The following TCF3 variants were observed in gnomAD, a reference collection of about 807,000 sequenced individuals.
TCF3 encodes the protein transcription factor E2-alpha.
TCF3 carries 54 observed loss-of-function variants against 72.3 expected under a neutral mutation model. The observed-to-expected ratio is 0.75, with a 90% CI of 0.60 to 0.94. TCF3 has a LOEUF of 0.94. Among genes scored for constraint, TCF3 ranks in the 40% least tolerant of loss-of-function variants. TCF3 has a pLI of 0.00. For synonymous variants in TCF3, 525 were observed against 412.6 expected (o/e 1.27, Z -3.30); for missense variants, 1,078 against 934.4 (o/e 1.15, Z -2.00).
chr19:1,615,528 G>T lies in TCF3; in HGVS notation c.1587-8C>A. ...TCCTCGTCCTCGTCTGGGCTATGGG[G>T]AGGGCGCCGGGAGGGGGCCAGAGGG... On this transcript the variant is annotated splice_region_variant and splice_polypyrimidine_tract_variant and intron_variant, in intron 17 of 18. Coordinates refer to ENST00000262965, the MANE Select transcript of TCF3 (RefSeq NM_003200.5). This position sits in a 1 kb window ranked among gnomAD's most constrained non-coding sequence, Gnocchi z 7.3. 1 of 1,606,452 alleles carries T rather than the reference G, an allele frequency of 6.2e-7. No homozygotes were observed. The highest frequency in any genetic ancestry group is 8.5e-7 in the Non-Finnish European group (1 of 1,179,814).
chr19:1,646,035 C>T (rs887268464), intron 3 of TCF3, among the ~76,000 whole-genome samples: 2 of 152,150 alleles, frequency 1.3e-5, no homozygotes, highest in Non-Finnish European at 1.5e-5. Flanking sequence ...AACGGATGCT[C>T]GAGATCCCCA....
At chr19:1,649,688 GC>G (rs1396958123) in intron 2 of TCF3, among the ~76,000 whole-genome samples, 2 of 152,202 alleles carry the variant, frequency 1.3e-5, no homozygotes, top group Admixed American at 6.5e-5. Flanking sequence ...CTCCCAAAGT[GC>G]TGGAATGACA....
rs184574721 is a variant in TCF3, at chr19:1,621,766, C to T, written c.955+72G>A. ...CCTGCGCCTCCCGTGGAGTCCTCGC[C>T]ACCCCCCACCCAGACCCTGCCTGGA... On this transcript the variant is annotated intron_variant, in intron 11 of 18. Transcript: ENST00000262965. 169 of 1,466,826 alleles carry T rather than the reference C, an allele frequency of 1.2e-4. No homozygotes were observed. In the African/African-American group the frequency reaches 2.3e-3, roughly 20 times the overall value. The allele number at this position is 1,466,826 out of a possible 1,614,324, so 90.9% of individuals were successfully genotyped here. A position where few individuals can be genotyped will look rare whatever the true frequency, so the allele number is the denominator to read the frequency against.
At chr19:1,647,244 C>T (rs1382210372) in intron 2 of TCF3, among the ~76,000 whole-genome samples, 2 of 152,158 alleles carry the variant, frequency 1.3e-5, no homozygotes, top group Admixed American at 6.5e-5. Flanking sequence ...AAGCCAACGG[C>T]AACAAACCCT....
intron 3 of TCF3, among the ~76,000 whole-genome samples, chr19:1,634,598 C>G (rs1319970254): frequency 6.6e-6 from 1 of 152,254 alleles, no homozygotes; most frequent in Non-Finnish European, 1.5e-5. Flanking sequence ...CCAAGGAATG[C>G]TCCAGGCTGG....
At chr19:1,620,842 T>TCCCA (rs1344084323) in intron 13 of TCF3, 126 bp downstream of exon 13, 2 of 996,900 alleles carry the variant, frequency 2.0e-6, no homozygotes, top group East Asian at 6.4e-5. Flanking sequence ...TGCCTGCCTA[T>TCCCA]CCCAGCAAGG....
chr19:1,632,953 A>G, intron 3 of TCF3, among the ~76,000 whole-genome samples: 1 of 152,190 alleles, frequency 6.6e-6, no homozygotes, highest in East Asian at 1.9e-4. Context: ...AGGCTCACCC[A>G]TCGGGCAGGA....
chr19:1,631,993 C>T, intron 5 of TCF3, 45 bp downstream of exon 5: 7 of 1,598,976 alleles, frequency 4.4e-6, no homozygotes, highest in Non-Finnish European at 6.0e-6. Context: ...CCCACGTCTG[C>T]ACATCTGTGC....
At chr19:1,637,631 C>T (rs1283183392) in intron 3 of TCF3, among the ~76,000 whole-genome samples, 10 of 152,178 alleles carry the variant, frequency 6.6e-5, no homozygotes, top group African/African-American at 1.2e-4. Context: ...AACCCGGGGC[C>T]GGGCACGGTG....
chr19:1,615,544 G>T lies in TCF3; in HGVS notation c.1587-24C>A. 6.2e-7 allele frequency: 1 copy of T among 1,605,162 alleles called. No individual in the cohort carries two copies. On this transcript the variant is annotated intron_variant, in intron 17 of 18. Transcript: ENST00000262965. This position sits in a 1 kb window ranked among gnomAD's most constrained non-coding sequence, Gnocchi z 7.3. The stretch of plus-strand genomic sequence containing the variant: ...GGCTATGGGGAGGGCGCCGGGAGGG[G>T]GCCAGAGGGAGACAGTGAGGTTGGG...
Position 1,614,910 on chromosome 19 carries a change from C to T in TCF3, c.1822+375G>A, listed in dbSNP as rs1183380289. ...GCACACCAGCTCCTGTCTCTGGGAT[C>T]GGGGGACACTGGCCTCTGTGAGCTG... is the stretch of plus-strand genomic sequence containing the variant. On this transcript the variant is annotated intron_variant, in intron 18 of 18. Transcript: ENST00000262965. The surrounding 1 kb of genome is among the most constrained non-coding windows in gnomAD (Gnocchi z 5.6). Among the ~76,000 whole-genome samples, 4 of 152,074 alleles carry T rather than the reference C, an allele frequency of 2.6e-5. No individual in the cohort carries two copies. The highest frequency in any genetic ancestry group is 6.5e-5 in the Admixed American group (1 of 15,278).
chr19:1,619,386 A>G lies in TCF3; in HGVS notation c.1256T>C (p.Leu419Pro). The change falls in exon 15 of 19, where the codon CTG (leucine) becomes CCG (proline). Residue 419 changes from leucine to proline, a missense_variant. Physicochemically the swap from Leu to Pro is moderately conservative, Grantham distance 98. Transcript: ENST00000262965. The part of the protein sequence containing the change: ...VGTAGDMHTL[L>P]PGHGALASGF... ...TGAGGCCAGCGCCCCGTGGCCAGGCAGCAGCGTGTGCATGTCGCCGGCTGT... is the reference window on the plus strand; with the variant it reads ...TGAGGCCAGCGCCCCGTGGCCAGGCGGCAGCGTGTGCATGTCGCCGGCTGT... 6.3e-7 allele frequency: 1 copy of G among 1,593,152 alleles called. No individual in the cohort carries two copies. The highest frequency in any genetic ancestry group is 8.5e-7 in the Non-Finnish European group (1 of 1,177,010).
At chr19:1,633,509 G>C (rs537110135) in intron 3 of TCF3, among the ~76,000 whole-genome samples, 2 of 152,032 alleles carry the variant, frequency 1.3e-5, no homozygotes, top group African/African-American at 2.4e-5. Context: ...CTTTCAAATC[G>C]CATCCTTCTA....
chr19:1,629,155 G>A (rs1289038855), intron 5 of TCF3, among the ~76,000 whole-genome samples: 1 of 151,978 alleles, frequency 6.6e-6, no homozygotes, highest in African/African-American at 2.4e-5. Flanking sequence ...CCTGCTTCCT[G>A]CTGGCCAGGC....
intron 8 of TCF3, among the ~76,000 whole-genome samples, chr19:1,623,249 T>A (rs1338597627): frequency 1.3e-5 from 2 of 152,008 alleles, no homozygotes; most frequent in Non-Finnish European, 2.9e-5. Context: ...TCCCTCTCCC[T>A]CCAGCGAGAT....
intron 16 of TCF3, among the ~76,000 whole-genome samples, chr19:1,618,411 C>T (rs550405351): frequency 6.6e-6 from 1 of 152,132 alleles, no homozygotes; most frequent in African/African-American, 2.4e-5. Context: ...CAGGTCCCAT[C>T]CCTCCTCAGC....
At position 1,611,517 on chromosome 19, in the gene TCF3, GGGAGCTCCT is replaced by G; in HGVS notation, c.*181_*189del. On this transcript the variant is annotated 3_prime_UTR_variant, in exon 19 of 19. Coordinates refer to ENST00000262965, the MANE Select transcript of TCF3 (RefSeq NM_003200.5). ...CAGTGAGTGGTAGGCCAGGGCCCCA[GGGAGCTCCT>G]GGACCCAGTGTCACCTTGGCCGCCC... is the stretch of plus-strand genomic sequence containing the variant. 1.4e-6 allele frequency: 1 copy of G among 690,390 alleles called. No homozygotes were observed. The highest frequency in any genetic ancestry group is 2.3e-6 in the Non-Finnish European group (1 of 440,542). 42.8% of individuals were successfully genotyped at this position (690,390 alleles called of 1,614,324 possible).
intron 1 of TCF3, 33 bp from the exon 2 acceptor site, chr19:1,650,320 G>T: frequency 7.0e-7 from 1 of 1,436,556 alleles, no homozygotes. Context: ...GATGGACAGG[G>T]AGAAACAGGG....
chr19:1,615,352 G>C lies in TCF3; in HGVS notation c.1755C>G (p.Pro585=), dbSNP rs376005041. ...MCQLHLNSEK[P]QTKLLILHQA... ...GGTGCAGGATGAGCAGTTTGGTCTG[G>C]GGCTTCTCGCTGTTGAGGTGCAGTT... The change falls in exon 18 of 19, where the codon CCC becomes CCG. Residue 585 remains proline, a synonymous_variant. Transcript: ENST00000262965. The surrounding 1 kb of genome is among the most constrained non-coding windows in gnomAD (Gnocchi z 7.3). The C allele has an allele frequency of 6.2e-6, 10 of 1,613,570 alleles. No homozygotes were observed. The highest frequency in any genetic ancestry group is 4.0e-5 in the African/African-American group (3 of 74,922).
Sources: allele counts gnomAD v4.1 joint callset (sites outside exome capture counted in the v4.1 genomes callset), GRCh38; gene constraint gnomAD v4.1.1; non-coding constraint Gnocchi (gnomAD v3.1); transcripts MANE v1.5; gene names NCBI Gene and HGNC (gene_info 2026-07-23, HGNC 2026-07-21).